The following ACMSD variants were observed in gnomAD, a reference collection of about 807,000 sequenced individuals.
ACMSD encodes aminocarboxymuconate semialdehyde decarboxylase.
Under a neutral mutation model 45.9 loss-of-function variants are expected in ACMSD, and 37 were observed. The ratio of observed to expected loss-of-function variants is 0.81; its 90% CI spans 0.62 to 1.06. The LOEUF is 1.06. Among genes scored for constraint, ACMSD ranks in the 50% least tolerant of loss-of-function variants. The pLI is 0.00. For missense variants in ACMSD, 434 were observed against 420.9 expected, an observed-to-expected ratio of 1.03 and a Z score of -0.27; for synonymous variants, 138 against 148.8, an observed-to-expected ratio of 0.93 and a Z score of 0.53.
chr2:134,875,107 C>T (rs1409934341), intron 8 of ACMSD, among the ~76,000 whole-genome samples: 1 of 152,082 alleles, frequency 6.6e-6, no homozygotes, highest in Admixed American at 6.6e-5. Flanking sequence ...CTCAAGCCAT[C>T]CTCCCACCTC....
At position 134,898,361 on chromosome 2, in the gene ACMSD, C is replaced by T. The variant is rs1219990457; in HGVS notation, c.870C>T (p.Thr290=). The T allele has an allele frequency of 6.9e-6, 11 of 1,585,604 alleles. No homozygotes were observed. Among genetic ancestry groups the T allele is most frequent in the South Asian group, 2.3e-5 (2 of 85,874 alleles). The change falls in exon 9 of 10, where the codon ACC becomes ACT. Residue 290 remains threonine (T), a synonymous_variant. Coordinates refer to ENST00000356140, the MANE Select transcript of ACMSD (RefSeq NM_138326.3). ...TTTAGGATAAAGTCATTTTGGGAAC[C>T]GATTACCCCTTTCCACTAGGTGAGC... ...VIGKDKVILG[T]DYPFPLGELE... is the part of the protein sequence containing the mutation.
At chr2:134,897,885 G>GTTTTTT (rs539416140) in intron 8 of ACMSD, among the ~76,000 whole-genome samples, 1 of 133,166 alleles carries the variant, frequency 7.5e-6, no homozygotes, top group Non-Finnish European at 1.7e-5. Context: ...TTTTGTTTTT[G>GTTTTTT]TTTTTTTTTT....
chr2:134,851,489 G>A (rs1180261115), intron 2 of ACMSD, among the ~76,000 whole-genome samples: 1 of 151,816 alleles, frequency 6.6e-6, no homozygotes, highest in African/African-American at 2.4e-5. Flanking sequence ...TGTCTCCCAG[G>A]CTGGAGTGCA....
intron 2 of ACMSD, among the ~76,000 whole-genome samples, chr2:134,854,740 C>T (rs150448817): frequency 6.6e-5 from 10 of 152,316 alleles, no homozygotes; most frequent in East Asian, 1.9e-4. Flanking sequence ...TAATTGTGAA[C>T]GTTACTTCAC....
Position 134,863,489 on chromosome 2 carries a change from G to A in ACMSD, c.344G>A (p.Gly115Glu), listed in dbSNP as rs977255757. Residue 115 changes from glycine (G) to glutamate (E), a missense_variant, in exon 5 of 10, where the codon GGG becomes GAG. Physicochemically the swap from Gly to Glu is moderately conservative, Grantham distance 98. Transcript: ENST00000356140. ...VSYPRRFVGLGTLPMQAPELA... is the reference protein window; with the variant it reads ...VSYPRRFVGLETLPMQAPELA... ...TACCCCAGGAGGTTCGTGGGTCTGG[G>A]GACGTTGCCCATGCAGGCCCCTGAG... The A allele has an allele frequency of 1.9e-6, 3 of 1,614,082 alleles. No homozygotes were observed. The highest frequency in any genetic ancestry group is 1.6e-4 in the Middle Eastern group (1 of 6,084).
At chr2:134,865,229 T>C (rs958860059) in intron 5 of ACMSD, among the ~76,000 whole-genome samples, 3 of 152,234 alleles carry the variant, frequency 2.0e-5, no homozygotes, top group Admixed American at 6.5e-5. Flanking sequence ...TGTTCCTCAA[T>C]ATACTGAACT....
At chr2:134,886,994 T>C (rs1468456595) in intron 8 of ACMSD, among the ~76,000 whole-genome samples, 1 of 152,218 alleles carries the variant, frequency 6.6e-6, no homozygotes, top group Non-Finnish European at 1.5e-5. Context: ...CAATTTATAA[T>C]AGTGTTTTAA....
intron 8 of ACMSD, among the ~76,000 whole-genome samples, chr2:134,893,241 G>A (rs1209495952): frequency 7.2e-6 from 1 of 139,546 alleles, no homozygotes; most frequent in African/African-American, 2.7e-5. Context: ...ACAGGGCCTC[G>A]CTCTTTCACT....
Position 134,838,799 on chromosome 2 carries a change from T to C in ACMSD, c.57+60T>C, listed in dbSNP as rs139741405. ...ACTTCTCCAGGGTTTCTCAATGCCT[T>C]TCTCTTCTTTGTGGAATTAGATGTC... On this transcript the variant is annotated intron_variant, in intron 1 of 9. Coordinates refer to ENST00000356140, the MANE Select transcript of ACMSD (RefSeq NM_138326.3). 588 of 1,350,504 alleles carry C rather than the reference T, an allele frequency of 4.4e-4. 5 individuals carry two copies. In the African/African-American group the frequency reaches 7.7e-3, roughly 18 times the overall value. The allele number at this position is 1,350,504 out of a possible 1,614,324, so 83.7% of individuals were successfully genotyped here.
chr2:134,873,290 C>T (rs1056919405), intron 8 of ACMSD: 1 of 152,350 alleles, frequency 6.6e-6, no homozygotes, highest in Admixed American at 6.5e-5. Context: ...CTGATGTAGT[C>T]TCCTCGCCAA....
intron 9 of ACMSD, among the ~76,000 whole-genome samples, chr2:134,901,247 G>A (rs964499659): frequency 6.6e-6 from 1 of 152,180 alleles, no homozygotes; most frequent in African/African-American, 2.4e-5. Context: ...CAGCAGAGTT[G>A]ATATAGTTTA....
intron 8 of ACMSD, among the ~76,000 whole-genome samples, chr2:134,891,492 A>C (rs1033642010): frequency 9.2e-5 from 14 of 152,202 alleles, no homozygotes; most frequent in African/African-American, 3.4e-4. Context: ...AAAATGTTTA[A>C]TATCACTGAT....
chr2:134,895,777 C>T lies in ACMSD; in HGVS notation c.850-2564C>T, dbSNP rs953880467. The stretch of plus-strand genomic sequence containing the variant: ...TTGGGAGGCTGAGGCAGGAGAATTG[C>T]CTGAATCCGGGAGGCAGAGGTTGCA... On this transcript the variant is annotated intron_variant, in intron 8 of 9. Transcript: ENST00000356140. Among the ~76,000 whole-genome samples, 3 of 152,278 alleles carry T rather than the reference C, an allele frequency of 2.0e-5. No individual in the cohort carries two copies. In the South Asian group the frequency reaches 6.2e-4, roughly 32 times the overall value.
chr2:134,893,068 TTTTC>T (rs757803184), intron 8 of ACMSD, among the ~76,000 whole-genome samples: 12 of 152,152 alleles, frequency 7.9e-5, no homozygotes, highest in African/African-American at 1.2e-4. Context: ...GCATTTGATT[TTTTC>T]TTTATCACTC....
chr2:134,895,018 C>A (rs1690016956), intron 8 of ACMSD, among the ~76,000 whole-genome samples: 1 of 151,886 alleles, frequency 6.6e-6, no homozygotes, highest in Non-Finnish European at 1.5e-5. Context: ...AAAAATATAG[C>A]CAAAAAAGGC....
At chr2:134,879,645 A>T (rs1434883384) in intron 8 of ACMSD, among the ~76,000 whole-genome samples, 2 of 152,190 alleles carry the variant, frequency 1.3e-5, no homozygotes, top group East Asian at 1.9e-4. Flanking sequence ...CAATAAGATG[A>T]CTGCAGACCA....
At chr2:134,842,620 C>A (rs563891760) in intron 1 of ACMSD, among the ~76,000 whole-genome samples, 46 of 152,196 alleles carry the variant, frequency 3.0e-4, no homozygotes, top group African/African-American at 1.1e-3. Context: ...GCAATTAGTG[C>A]CCCCATCATC....
At chr2:134,874,032 A>G (rs1688604815) in intron 8 of ACMSD, among the ~76,000 whole-genome samples, 1 of 152,220 alleles carries the variant, frequency 6.6e-6, no homozygotes, top group South Asian at 2.1e-4. Flanking sequence ...TGCCAAATCC[A>G]AAGCCCATTT....
chr2:134,883,265 C>T (rs1267673247), intron 8 of ACMSD, among the ~76,000 whole-genome samples: 1 of 141,910 alleles, frequency 7.0e-6, no homozygotes, highest in East Asian at 2.0e-4. Flanking sequence ...GGATCACAGA[C>T]AAAAAAAAAA....
Sources: gnomAD v4.1 joint callset for allele counts (sites outside exome capture counted in the v4.1 genomes callset) on GRCh38, gnomAD v4.1.1 for gene constraint, MANE v1.5 for transcripts, NCBI Gene and HGNC (gene_info 2026-07-23, HGNC 2026-07-21) for gene names.